The following SLC44A4 variants were observed in gnomAD, a reference collection of about 807,000 sequenced individuals.
SLC44A4 encodes choline transporter-like protein 4.
Under a neutral mutation model 97.0 loss-of-function variants are expected in SLC44A4, and 74 were observed. The ratio of observed to expected loss-of-function variants is 0.76; its 90% CI spans 0.63 to 0.93. SLC44A4 has a LOEUF of 0.93. Among genes scored for constraint, SLC44A4 ranks in the 40% least tolerant of loss-of-function variants. SLC44A4 has a pLI of 0.00. For missense variants in SLC44A4, 799 were observed against 902.9 expected (o/e 0.88, Z 1.48); for synonymous variants, 325 against 363.8 (o/e 0.89, Z 1.21).
chr6:31,876,187 T>C lies in SLC44A4; in HGVS notation c.90-58A>G, dbSNP rs1360999595. 7.0e-7 allele frequency: 1 copy of C among 1,438,542 alleles called. No individual in the cohort carries two copies. Among genetic ancestry groups the C allele is most frequent in the Non-Finnish European group, 9.6e-7 (1 of 1,037,490 alleles). 89.1% of individuals were successfully genotyped at this position (1,438,542 alleles called of 1,614,324 possible). The stretch of plus-strand genomic sequence containing the variant: ...AGGAGACTTGGGGAGGTAGGGCTTA[T>C]GGTCTGGAGGGGTTAAGGGTTAGAG... On this transcript the variant is annotated intron_variant, in intron 2 of 20. Coordinates refer to ENST00000229729, the MANE Select transcript of SLC44A4 (RefSeq NM_025257.3). The surrounding 1 kb of genome is among the most constrained non-coding windows in gnomAD (Gnocchi z 4.8).
In SLC44A4 at chr6:31,864,880, C is replaced by T. The variant is rs200236334; in HGVS notation, c.1862G>A (p.Arg621His). 82 of 1,613,894 alleles carry T rather than the reference C, an allele frequency of 5.1e-5. No homozygotes were observed. The highest frequency in any genetic ancestry group is 6.4e-5 in the Non-Finnish European group (75 of 1,179,946). ...AAAGTCTTTACCCAGCCCCGGGATGCGACCGGAGAAAAAAAAGAAGGACAG... is the reference window on the plus strand; with the variant it reads ...AAAGTCTTTACCCAGCCCCGGGATGTGACCGGAGAAAAAAAAGAAGGACAG... ...GVLSFFFFSGRIPGLGKDFKS... is the reference protein window; with the variant it reads ...GVLSFFFFSGHIPGLGKDFKS... The change falls in exon 19 of 21, where the codon CGC (arginine) becomes CAC (histidine). Residue 621 changes from arginine (R) to histidine (H), a missense_variant. Arg to His is a conservative substitution (Grantham distance 29, BLOSUM62 0). This residue lies in a region of SLC44A4 where 379 missense variants were observed against 438.3 expected (regional missense o/e 0.86). Coordinates refer to ENST00000229729, the MANE Select transcript of SLC44A4 (RefSeq NM_025257.3).
intron 12 of SLC44A4, 120 bp from the exon 13 acceptor site, chr6:31,869,377 G>C: frequency 2.1e-6 from 2 of 957,232 alleles, no homozygotes; most frequent in Non-Finnish European, 3.2e-6. Flanking sequence ...CTGAAATTCA[G>C]CCTGTGTGCA....
intron 13 of SLC44A4, among the ~76,000 whole-genome samples, chr6:31,867,823 C>CG (rs1762944139): frequency 1.6e-5 from 2 of 123,190 alleles, no homozygotes. Context: ...TGTAAATAAA[C>CG]CTTTTTTTTT....
intron 8 of SLC44A4, 33 bp downstream of exon 8, chr6:31,871,441 T>C (rs1408535385): frequency 1.2e-6 from 2 of 1,612,922 alleles, no homozygotes; most frequent in South Asian, 2.2e-5. Context: ...GTGGAAGGGG[T>C]GTGGCCAGGA....
At position 31,869,504 on chromosome 6, in the gene SLC44A4, C is replaced by T. The variant is rs558359260; in HGVS notation, c.1130+41G>A. The T allele has an allele frequency of 8.5e-6, 13 of 1,524,436 alleles. No individual in the cohort carries two copies. In the South Asian group the frequency reaches 1.4e-4, roughly 17 times the overall value. 94.4% of individuals were successfully genotyped at this position (1,524,436 alleles called of 1,614,324 possible). A position where few individuals can be genotyped will look rare whatever the true frequency, so the allele number is the denominator to read the frequency against. ...GTATTGCTTTGTTTTCCATCACCCC[C>T]CAGGACTCCAAGAGTGGCTGGCTGC... On this transcript the variant is annotated intron_variant, in intron 12 of 20. Transcript: ENST00000229729.
Position 31,865,297 on chromosome 6 carries a change from G to T in SLC44A4, c.1760+18C>A, listed in dbSNP as rs375543593. 20 of 1,613,676 alleles carry T rather than the reference G, an allele frequency of 1.2e-5. No homozygotes were observed. Among genetic ancestry groups the T allele is most frequent in the Middle Eastern group, 1.6e-4 (1 of 6,084 alleles). On this transcript the variant is annotated intron_variant, in intron 17 of 20. Transcript: ENST00000229729. The surrounding 1 kb of genome is among the most constrained non-coding windows in gnomAD (Gnocchi z 5.2). Reference sequence around the variant, plus strand: ...GATCAGAGGAGGGAGCCACAAAGCGGGGGGGGAGCAGCCTAACCTGACAAT... The same window carrying T: ...GATCAGAGGAGGGAGCCACAAAGCGTGGGGGGAGCAGCCTAACCTGACAAT...
At chr6:31,870,759 G>T in intron 10 of SLC44A4, 53 bp downstream of exon 10, 1 of 1,611,882 alleles carries the variant, frequency 6.2e-7, no homozygotes, top group Non-Finnish European at 8.5e-7. Context: ...GCCGGGCATG[G>T]CCCAGGGCGG....
chr6:31,870,488 A>C, intron 11 of SLC44A4, 115 bp downstream of exon 11: 1 of 764,494 alleles, frequency 1.3e-6, no homozygotes, highest in Non-Finnish European at 2.2e-6. Context: ...ACTGTGCTAT[A>C]TTCCTCCCTT....
At chr6:31,869,437 G>C in intron 12 of SLC44A4, 108 bp downstream of exon 12, 12 of 1,036,710 alleles carry the variant, frequency 1.2e-5, no homozygotes, top group Non-Finnish European at 1.7e-5. Context: ...CCCAGAGAAA[G>C]GGGCACCTCT....
At position 31,874,812 on chromosome 6, in the gene SLC44A4, G is replaced by A; in HGVS notation, c.377C>T (p.Thr126Ile). The A allele has an allele frequency of 6.2e-7, 1 of 1,613,600 alleles. No individual in the cohort carries two copies. The highest frequency in any genetic ancestry group is 8.5e-7 in the Non-Finnish European group (1 of 1,179,808). ...CVSSCPEDPW[T>I]VGKNEFSQTV... ...CTGTGAGAACTCGTTTTTTCCCACAGTCCATGGGTCCTCCGGGCAGGAGGA... is the reference window on the plus strand; with the variant it reads ...CTGTGAGAACTCGTTTTTTCCCACAATCCATGGGTCCTCCGGGCAGGAGGA... Residue 126 changes from threonine (T) to isoleucine (I), a missense_variant, in exon 6 of 21, where the codon ACT (threonine) becomes ATT (isoleucine). Physicochemically the swap from Thr to Ile is moderately conservative, Grantham distance 89. Around this residue, in one of 3 missense-constraint regions of SLC44A4, gnomAD observed 409 missense variants for 434.1 expected, o/e 0.94. Coordinates refer to ENST00000229729, the MANE Select transcript of SLC44A4 (RefSeq NM_025257.3). The surrounding 1 kb of genome is among the most constrained non-coding windows in gnomAD (Gnocchi z 4.8).
rs1177075793 is a variant in SLC44A4, at chr6:31,865,983, G to A, written c.1377C>T (p.Ala459=). The change falls in exon 14 of 21, where the codon GCC becomes GCT. Residue 459 remains alanine (A), a synonymous_variant. Transcript: ENST00000229729. The surrounding 1 kb of genome is among the most constrained non-coding windows in gnomAD (Gnocchi z 5.2). Reference sequence around the variant, plus strand: ...CTCCAGCGAGGACGCATTGGCCCAGGGCCAGTACCCAGTTAAGGGTCCAGA... The same window carrying A: ...CTCCAGCGAGGACGCATTGGCCCAGAGCCAGTACCCAGTTAAGGGTCCAGA... ...GLFWTLNWVL[A]LGQCVLAGAF... 2.5e-6 allele frequency: 4 copies of A among 1,614,102 alleles called. No individual in the cohort carries two copies. The highest frequency in any genetic ancestry group is 1.1e-5 in the South Asian group (1 of 91,088).
intron 11 of SLC44A4, among the ~76,000 whole-genome samples, chr6:31,869,842 G>T (rs937979659): frequency 3.3e-5 from 5 of 152,170 alleles, no homozygotes; most frequent in African/African-American, 1.2e-4. Context: ...AAAATTAGCC[G>T]GGCATGGTGG....
chr6:31,870,778 C>T (rs777354395), intron 10 of SLC44A4, 34 bp downstream of exon 10: 1 of 1,612,294 alleles, frequency 6.2e-7, no homozygotes, highest in African/African-American at 1.3e-5. Context: ...GGTCCTTGGG[C>T]AGCTGGTGGC....
chr6:31,872,088 C>T (rs1763207992), intron 7 of SLC44A4, among the ~76,000 whole-genome samples: 1 of 152,124 alleles, frequency 6.6e-6, no homozygotes, highest in Non-Finnish European at 1.5e-5. Context: ...TGTTCAAATC[C>T]AGCTCCATCT....
chr6:31,873,633 TA>T (rs9281619), intron 7 of SLC44A4, among the ~76,000 whole-genome samples: 6,020 of 143,210 alleles, frequency 0.042, 193 homozygotes, highest in Non-Finnish European at 0.047. Context: ...CTTCATCTCT[TA>T]AAAAAAAAAA....
chr6:31,866,274 G>T (rs1325526892), intron 13 of SLC44A4, 148 bp from the exon 14 acceptor site: 1 of 1,059,330 alleles, frequency 9.4e-7, no homozygotes, highest in Non-Finnish European at 1.3e-6. Flanking sequence ...AGTTCTGTCG[G>T]AGAGTTCCAT....
At chr6:31,875,352 C>T (rs1024564934) in intron 4 of SLC44A4, among the ~76,000 whole-genome samples, 1 of 152,174 alleles carries the variant, frequency 6.6e-6, no homozygotes, top group African/African-American at 2.4e-5. Context: ...TAGTGCCTAC[C>T]TCATGAGATT....
Position 31,870,871 on chromosome 6 carries a change from A to C in SLC44A4, c.878T>G (p.Leu293Arg). ...GGCACTGAGGTTGGTGGTGAAACCCAGCTGGGAGATGGAGGCGCCCTTGTC... is the reference window on the plus strand; with the variant it reads ...GGCACTGAGGTTGGTGGTGAAACCCCGCTGGGAGATGGAGGCGCCCTTGTC... ...LRDKGASISQ[L>R]GFTTNLSAYQ... Residue 293 changes from leucine (L) to arginine (R), a missense_variant, in exon 10 of 21, where the codon CTG becomes CGG. Leu to Arg is a moderately radical substitution (Grantham distance 102). Transcript: ENST00000229729. The C allele has an allele frequency of 6.2e-7, 1 of 1,613,060 alleles. No homozygotes were observed. Among genetic ancestry groups the C allele is most frequent in the Non-Finnish European group, 8.5e-7 (1 of 1,180,012 alleles).
chr6:31,878,061 C>G lies in SLC44A4; in HGVS notation c.40+880G>C, dbSNP rs1763544817. On this transcript the variant is annotated intron_variant, in intron 1 of 20. Coordinates refer to ENST00000229729, the MANE Select transcript of SLC44A4 (RefSeq NM_025257.3). This position sits in a 1 kb window ranked among gnomAD's most constrained non-coding sequence, Gnocchi z 4.0. ...GTTCCTTCCCCTTCAGACCAGAAGA[C>G]CAGGGGGGCCTCCGCAGGTGAGTCC... 1 of 152,130 alleles carries G rather than the reference C, an allele frequency of 6.6e-6. No homozygotes were observed. The allele number at this position is 152,130 out of a possible 1,614,324, so 9.4% of individuals were successfully genotyped here. A position where few individuals can be genotyped will look rare whatever the true frequency, so the allele number is the denominator to read the frequency against.
Sources: gnomAD v4.1 joint callset for allele counts (sites outside exome capture counted in the v4.1 genomes callset) on GRCh38, gnomAD v4.1.1 for gene constraint, gnomAD v4.1.1 regional missense constraint, Gnocchi (gnomAD v3.1) non-coding constraint, MANE v1.5 for transcripts, NCBI Gene and HGNC (gene_info 2026-07-23, HGNC 2026-07-21) for gene names.